The following INF2 variants were observed in gnomAD, a reference collection of about 807,000 sequenced individuals.
INF2 encodes the protein inverted formin 2, also known as inverted formin-2.
In INF2, 43 loss-of-function variants were observed where a neutral mutation model predicts 123.5. That is an observed-to-expected ratio of 0.35 (90% CI 0.27 to 0.45). The LOEUF (loss-of-function observed/expected upper bound fraction) is 0.45. Ranked by LOEUF, INF2 falls within the 20% of genes least tolerant of loss-of-function variation. INF2 has a pLI of 1.00. For missense variants in INF2, 1,453 were observed against 1,682.7 expected (o/e 0.86, Z 2.39); for synonymous variants, 851 against 745.0 (o/e 1.14, Z -2.32).
intron 19 of INF2, 33 bp from the exon 20 acceptor site, chr14:104,713,412 C>G: frequency 6.2e-7 from 1 of 1,600,354 alleles, no homozygotes; most frequent in Non-Finnish European, 8.5e-7. Context: ...TCCAGGGTCC[C>G]ATGCCGCTCT....
chr14:104,691,268 GA>G, intron 1 of INF2: 1 of 152,440 alleles, frequency 6.6e-6, no homozygotes, highest in Non-Finnish European at 1.5e-5. Context: ...TCCTGGGTTG[GA>G]AAAGTTATGC....
In INF2 at chr14:104,701,643, C is replaced by T. The variant is rs1240962924; in HGVS notation, c.278C>T (p.Ser93Phe). Residue 93 changes from serine to phenylalanine, a missense_variant, in exon 2 of 23, where the codon TCC (serine) becomes TTC (phenylalanine). Ser to Phe is a radical substitution (Grantham distance 155). Transcript: ENST00000392634. ...RLSGRGVARI[S>F]DALLQLTCVS... is the part of the protein sequence containing the mutation. ...TCGGGCCGCGGCGTTGCACGTATCT[C>T]CGACGCCCTGCTGCAGCTCACCTGC... The T allele has an allele frequency of 1.3e-6, 2 of 1,598,366 alleles. No homozygotes were observed.
chr14:104,710,900 A>T, intron 13 of INF2, 37 bp from the exon 14 acceptor site: 1 of 1,596,314 alleles, frequency 6.3e-7, no homozygotes, highest in Non-Finnish European at 8.6e-7. Context: ...GGGGCTCCGA[A>T]CCAAGAGCCC....
At position 104,708,539 on chromosome 14, in the gene INF2, C is replaced by T. The variant is rs746202937; in HGVS notation, c.1839C>T (p.Pro613=). 3.7e-6 allele frequency: 6 copies of T among 1,612,316 alleles called. No homozygotes were observed. The South Asian group carries it at 5.5e-5, about 15-fold the overall frequency. The change falls in exon 9 of 23, where the codon CCC becomes CCT. Residue 613 remains proline (P), a synonymous_variant. Coordinates refer to ENST00000392634, the MANE Select transcript of INF2 (RefSeq NM_022489.4). ...TATTCTCCTTCCCTGCAGCCAAGCC[C>T]AAGGAGCCCACCATGGTGGCCCCCC... ...ERLFSFPAAK[P]KEPTMVAPRA...
chr14:104,697,888 G>A (rs4077159), intron 1 of INF2, among the ~76,000 whole-genome samples: 4 of 126,762 alleles, frequency 3.2e-5, no homozygotes, highest in Non-Finnish European at 5.2e-5. Flanking sequence ...GTGGACTGCC[G>A]GGGGGGGTGG....
In INF2 at chr14:104,703,091, C is replaced by T. The variant is rs374558300; in HGVS notation, c.392-14C>T. On this transcript the variant is annotated splice_polypyrimidine_tract_variant and intron_variant, in intron 2 of 22. Coordinates refer to ENST00000392634, the MANE Select transcript of INF2 (RefSeq NM_022489.4). ...GCATTGGCCCTGCTGAGCCTGCCCACTCCACCCTGGCAGCCCTGGACACAT... is the reference window on the plus strand; with the variant it reads ...GCATTGGCCCTGCTGAGCCTGCCCATTCCACCCTGGCAGCCCTGGACACAT... 6.9e-6 allele frequency: 11 copies of T among 1,605,662 alleles called. No homozygotes were observed. Among genetic ancestry groups the T allele is most frequent in the Non-Finnish European group, 9.4e-6 (11 of 1,173,222 alleles).
At position 104,699,396 on chromosome 14, in the gene INF2, C is replaced by A; in HGVS notation, c.-9-1961C>A. Reference sequence around the variant, plus strand: ...GGTGGGAATATATGCAGAGGCCCGGCTGCCTGGCTCTTCATGGTGGTGGGA... The same window carrying A: ...GGTGGGAATATATGCAGAGGCCCGGATGCCTGGCTCTTCATGGTGGTGGGA... On this transcript the variant is annotated intron_variant, in intron 1 of 22. Coordinates refer to ENST00000392634, the MANE Select transcript of INF2 (RefSeq NM_022489.4). The surrounding 1 kb of genome is among the most constrained non-coding windows in gnomAD (Gnocchi z 4.7). 1 of 985,366 alleles carries A rather than the reference C, an allele frequency of 1.0e-6. No individual in the cohort carries two copies. The highest frequency in any genetic ancestry group is 4.7e-5 in the South Asian group (1 of 21,284). 61.0% of individuals were successfully genotyped at this position (985,366 alleles called of 1,614,324 possible). A position where few individuals can be genotyped will look rare whatever the true frequency, so the allele number is the denominator to read the frequency against.
At chr14:104,703,587 A>G in intron 4 of INF2, 133 bp downstream of exon 4, 1 of 1,248,060 alleles carries the variant, frequency 8.0e-7, no homozygotes, top group Non-Finnish European at 1.1e-6. Flanking sequence ...GGAAGGCGCC[A>G]TCTCGGGCCT....
chr14:104,709,641 A>T lies in INF2; in HGVS notation c.2074A>T (p.Thr692Ser). ...KHEIENLRAF[T>S]EERAKLASAD... ...GCAGATTGAAAACCTGCGGGCATTCACAGAGGAGCGAGCCAAGCTGGCCAG... is the reference window on the plus strand; with the variant it reads ...GCAGATTGAAAACCTGCGGGCATTCTCAGAGGAGCGAGCCAAGCTGGCCAG... Residue 692 changes from threonine to serine, a missense_variant, in exon 12 of 23, where the codon ACA (threonine) becomes TCA (serine). Thr to Ser is a moderately conservative substitution (Grantham distance 58). This residue lies in a region of INF2 where 192 missense variants were observed against 274.4 expected (regional missense o/e 0.70). Transcript: ENST00000392634. 6.2e-7 allele frequency: 1 copy of T among 1,612,634 alleles called. No individual in the cohort carries two copies. Among genetic ancestry groups the T allele is most frequent in the Non-Finnish European group, 8.5e-7 (1 of 1,179,796 alleles).
chr14:104,682,078 A>C (rs1888538025), intron 1 of INF2, among the ~76,000 whole-genome samples: 2 of 152,212 alleles, frequency 1.3e-5, no homozygotes, highest in Non-Finnish European at 2.9e-5. Context: ...GAAAGACCCC[A>C]GTGCCTGGCG....
At chr14:104,704,108 G>C in intron 5 of INF2, 159 bp downstream of exon 5, 2 of 1,485,348 alleles carry the variant, frequency 1.3e-6, no homozygotes, top group South Asian at 2.6e-5. Context: ...CAGAAGCCAG[G>C]TCTCAGGCTA....
intron 1 of INF2, among the ~76,000 whole-genome samples, chr14:104,693,204 C>G (rs1889034875): frequency 6.6e-6 from 1 of 152,240 alleles, no homozygotes; most frequent in African/African-American, 2.4e-5. Flanking sequence ...CGTTATACCA[C>G]CCCACCTGCT....
chr14:104,711,421 C>G (rs760333118), intron 15 of INF2, among the ~76,000 whole-genome samples: 5 of 152,226 alleles, frequency 3.3e-5, no homozygotes, highest in Non-Finnish European at 5.9e-5. Context: ...CCCAGGATAC[C>G]TGTCCCTGAT....
Position 104,721,813 on chromosome 14 carries a change from G to A in INF2, c.*3020G>A, listed in dbSNP as rs1890564173. The A allele has an allele frequency of 6.6e-6, 1 of 152,306 alleles. No homozygotes were observed. Among genetic ancestry groups the A allele is most frequent in the Non-Finnish European group, 1.5e-5 (1 of 68,084 alleles). 9.4% of individuals were successfully genotyped at this position (152,306 alleles called of 1,614,324 possible). A position where few individuals can be genotyped will look rare whatever the true frequency, so the allele number is the denominator to read the frequency against. On this transcript the variant is annotated 3_prime_UTR_variant, in exon 23 of 23. Transcript: ENST00000392634. ...TTTCTTTTTCCTCTGTGCTCCATGA[G>A]AAGTCAGTTTAGTGGGCTACAGCCA...
chr14:104,713,729 CCT>C, intron 20 of INF2, 123 bp downstream of exon 20: 1 of 1,122,300 alleles, frequency 8.9e-7, no homozygotes, highest in Non-Finnish European at 1.3e-6. Flanking sequence ...CCTGGAGGCC[CCT>C]AAGACTGGGG....
Position 104,689,620 on chromosome 14 carries a change from CAG to C in INF2, c.-128_-127del. The C allele has an allele frequency of 1.1e-6, 1 of 908,990 alleles. No individual in the cohort carries two copies. The highest frequency in any genetic ancestry group is 1.3e-6 in the Non-Finnish European group (1 of 760,464). 56.3% of individuals were successfully genotyped at this position (908,990 alleles called of 1,614,324 possible). On this transcript the variant is annotated 5_prime_UTR_variant, in exon 1 of 23. Transcript: ENST00000392634. ...CCCGCCCCGCCCGCCCCGCGCCCGCCAGGAGCCACCGTCCGAGCCTTGCGGAG... is the reference window on the plus strand; with the variant it reads ...CCCGCCCCGCCCGCCCCGCGCCCGCCGAGCCACCGTCCGAGCCTTGCGGAG...
upstream of INF2, chr14:104,689,281 A>G: frequency 1.0e-6 from 1 of 984,196 alleles, no homozygotes; most frequent in Non-Finnish European, 1.2e-6. Context: ...CCACCGGAGG[A>G]TAGGGGTGTA....
At chr14:104,708,185 C>G in intron 8 of INF2, 183 bp downstream of exon 8, 1 of 993,808 alleles carries the variant, frequency 1.0e-6, no homozygotes, top group Non-Finnish European at 1.5e-6. Context: ...AGGAGCAGGG[C>G]AGGGGCTACC....
intron 4 of INF2, 151 bp downstream of exon 4, chr14:104,703,605 C>T (rs1889635955): frequency 9.0e-7 from 1 of 1,108,502 alleles, no homozygotes; most frequent in Admixed American, 1.9e-5. Context: ...CCTGCCACCA[C>T]CTGCCCCTTC....
Sources: gnomAD v4.1 joint callset for allele counts (sites outside exome capture counted in the v4.1 genomes callset) on GRCh38, gnomAD v4.1.1 for gene constraint, gnomAD v4.1.1 regional missense constraint, Gnocchi (gnomAD v3.1) non-coding constraint, MANE v1.5 for transcripts, NCBI Gene and HGNC (gene_info 2026-07-23, HGNC 2026-07-21) for gene names.